Variants in NTN1 observed in about 807,000 individuals in gnomAD.
NTN1 encodes the protein netrin-1.
Under a neutral mutation model 54.2 loss-of-function variants are expected in NTN1, and 11 were observed. The observed-to-expected ratio is 0.20, with a 90% CI of 0.13 to 0.34. NTN1 has a LOEUF of 0.34. Among genes scored for constraint, NTN1 ranks in the 10% least tolerant of loss-of-function variants. The pLI is 1.00. For synonymous variants in NTN1, 371 were observed against 382.0 expected, an observed-to-expected ratio of 0.97 and a Z score of 0.33; for missense variants, 740 against 893.1, an observed-to-expected ratio of 0.83 and a Z score of 2.18.
At position 9,221,140 on chromosome 17, in the gene NTN1, T is replaced by C. The variant is rs559807614; in HGVS notation, c.1412-28T>C. On this transcript the variant is annotated intron_variant, in intron 5 of 6. Coordinates refer to ENST00000173229, the MANE Select transcript of NTN1 (RefSeq NM_004822.3). The surrounding 1 kb of genome is among the most constrained non-coding windows in gnomAD (Gnocchi z 4.5). ...TCATCGCCAGCCTAATTAGTTTTTG[T>C]CTGTGCTCCCCCCCCACCCCCCTGC... 4.0e-6 allele frequency: 6 copies of C among 1,510,786 alleles called. No homozygotes were observed. In the South Asian group the frequency reaches 5.6e-5, roughly 14 times the overall value. The allele number at this position is 1,510,786 out of a possible 1,614,324, so 93.6% of individuals were successfully genotyped here. A position where few individuals can be genotyped will look rare whatever the true frequency, so the allele number is the denominator to read the frequency against.
intron 6 of NTN1, among the ~76,000 whole-genome samples, chr17:9,232,261 G>A (rs1187864272): frequency 3.9e-5 from 6 of 152,166 alleles, no homozygotes; most frequent in African/African-American, 9.7e-5. Flanking sequence ...CCTGCATCCC[G>A]AGGGCACCCC....
intron 2 of NTN1, among the ~76,000 whole-genome samples, chr17:9,097,212 T>C (rs564496189): frequency 1.3e-5 from 2 of 152,326 alleles, no homozygotes; most frequent in Non-Finnish European, 2.9e-5. Context: ...AGTCAGAAAT[T>C]CAAACGCTGC....
intron 3 of NTN1, among the ~76,000 whole-genome samples, chr17:9,169,817 A>T (rs890584783): frequency 1.3e-5 from 2 of 152,226 alleles, no homozygotes; most frequent in African/African-American, 4.8e-5. Flanking sequence ...GTGAGCCGAG[A>T]TCGCACCATT....
rs1905124818 is a variant in NTN1, at chr17:9,212,354, A to G, written c.1412-8814A>G. 6.6e-6 allele frequency among the ~76,000 whole-genome samples: 1 copy of G among 152,202 alleles called. No individual in the cohort carries two copies. Among genetic ancestry groups the G allele is most frequent in the Non-Finnish European group, 1.5e-5 (1 of 68,030 alleles). The stretch of plus-strand genomic sequence containing the variant: ...CCTCCATTCTCATCATGCCTCGCGC[A>G]TGATGGCCCTTATGAAACCCACGGA... On this transcript the variant is annotated intron_variant, in intron 5 of 6. Transcript: ENST00000173229. This position sits in a 1 kb window ranked among gnomAD's most constrained non-coding sequence, Gnocchi z 5.5.
the NTN1 span, among the ~76,000 whole-genome samples, chr17:9,015,237 C>T: frequency 6.6e-6 from 1 of 152,014 alleles, no homozygotes; most frequent in Non-Finnish European, 1.5e-5. Flanking sequence ...ATGGTGAAAC[C>T]CCATCTCTAC....
chr17:9,094,415 G>A (rs929187736), intron 2 of NTN1, among the ~76,000 whole-genome samples: 1 of 151,798 alleles, frequency 6.6e-6, no homozygotes, highest in Admixed American at 6.6e-5. Flanking sequence ...GGGTGTGTGT[G>A]TATACATATA....
At chr17:9,216,352 C>T (rs974242795) in intron 5 of NTN1, among the ~76,000 whole-genome samples, 1 of 152,190 alleles carries the variant, frequency 6.6e-6, no homozygotes, top group African/African-American at 2.4e-5. Flanking sequence ...GTTTAATCTC[C>T]CTTACTGCCT....
At chr17:9,105,162 C>G (rs2092161916) in intron 2 of NTN1, among the ~76,000 whole-genome samples, 1 of 152,190 alleles carries the variant, frequency 6.6e-6, no homozygotes, top group Admixed American at 6.5e-5. Flanking sequence ...GAATGCTGCC[C>G]TCTGACACCT....
chr17:9,157,220 A>G (rs2092345403), intron 2 of NTN1, among the ~76,000 whole-genome samples: 1 of 152,294 alleles, frequency 6.6e-6, no homozygotes, highest in African/African-American at 2.4e-5. Flanking sequence ...CCACTTGATC[A>G]GAGAATTTTC....
intron 2 of NTN1, among the ~76,000 whole-genome samples, chr17:9,155,719 T>C (rs917522400): frequency 6.6e-6 from 1 of 152,158 alleles, no homozygotes; most frequent in African/African-American, 2.4e-5. Context: ...AACATTTACA[T>C]ACCCTGGAGG....
rs1266815531 is a variant in NTN1, at chr17:9,190,639, G to A, written c.1411+7670G>A. ...GGCCGAGGTAGGCAGATCACTTGAG[G>A]CCAGGACTTCGAGACCAGCCTGGCC... On this transcript the variant is annotated intron_variant, in intron 5 of 6. Transcript: ENST00000173229. Among the ~76,000 whole-genome samples the A allele has an allele frequency of 3.3e-5, 5 of 152,260 alleles. No homozygotes were observed. The East Asian group carries it at 9.7e-4, about 29-fold the overall frequency.
intron 2 of NTN1, among the ~76,000 whole-genome samples, chr17:9,079,222 T>C (rs536407599): frequency 6.6e-6 from 1 of 152,336 alleles, no homozygotes; most frequent in Non-Finnish European, 1.5e-5. Context: ...AGTAGAACCC[T>C]GCTCCAGGGT....
At chr17:9,203,403 G>C (rs115936172) in intron 5 of NTN1, among the ~76,000 whole-genome samples, 5,364 of 152,286 alleles carry the variant, frequency 0.035, 308 homozygotes, top group African/African-American at 0.12. Context: ...ACACTTGGAG[G>C]TTTCTATCAT....
Position 9,022,332 on chromosome 17 carries a change from C to T in NTN1, c.-42C>T. 1 of 1,268,040 alleles carries T rather than the reference C, an allele frequency of 7.9e-7. No homozygotes were observed. The highest frequency in any genetic ancestry group is 9.9e-7 in the Non-Finnish European group (1 of 1,012,224). The allele number at this position is 1,268,040 out of a possible 1,614,324, so 78.5% of individuals were successfully genotyped here. ...GCAGGCGCCTTCTGCGGCAGGCGGACAGATCCTCGGCGCGGCAGGGCCGGG... is the reference window on the plus strand; with the variant it reads ...GCAGGCGCCTTCTGCGGCAGGCGGATAGATCCTCGGCGCGGCAGGGCCGGG... On this transcript the variant is annotated 5_prime_UTR_variant, in exon 2 of 7. Coordinates refer to ENST00000173229, the MANE Select transcript of NTN1 (RefSeq NM_004822.3).
intron 3 of NTN1, among the ~76,000 whole-genome samples, chr17:9,166,203 A>G (rs2092372948): frequency 1.4e-5 from 1 of 72,616 alleles, no homozygotes; most frequent in Admixed American, 1.5e-4. Flanking sequence ...CACCACCACC[A>G]CCACCAGCAC....
intron 2 of NTN1, among the ~76,000 whole-genome samples, chr17:9,092,739 A>C (rs867203664): frequency 3.4e-5 from 5 of 148,300 alleles, no homozygotes; most frequent in African/African-American, 9.9e-5. Context: ...TTACAGGCGC[A>C]CACCACTATG....
intron 2 of NTN1, among the ~76,000 whole-genome samples, chr17:9,058,386 T>C (rs903748383): frequency 1.3e-5 from 2 of 152,030 alleles, no homozygotes; most frequent in Admixed American, 6.6e-5. Context: ...CCTTTCTTAT[T>C]GTCTCAGGTC....
chr17:9,007,915 T>C, the NTN1 span, among the ~76,000 whole-genome samples: 1 of 151,956 alleles, frequency 6.6e-6, no homozygotes, highest in African/African-American at 2.4e-5. Flanking sequence ...TTATTATTCT[T>C]ATTATTTTTG....
At chr17:9,190,779 G>A (rs528216012) in intron 5 of NTN1, among the ~76,000 whole-genome samples, 1 of 152,242 alleles carries the variant, frequency 6.6e-6, no homozygotes, top group East Asian at 1.9e-4. Context: ...TTGAACCTTG[G>A]AAGCGGAGGT....
Sources: allele counts gnomAD v4.1 joint callset (sites outside exome capture counted in the v4.1 genomes callset), GRCh38; gene constraint gnomAD v4.1.1; non-coding constraint Gnocchi (gnomAD v3.1); transcripts MANE v1.5; gene names NCBI Gene and HGNC (gene_info 2026-07-23, HGNC 2026-07-21).